The following RHOT1 variants were observed in gnomAD, a reference collection of about 807,000 sequenced individuals.
RHOT1 encodes ras homolog family member T1, also known as mitochondrial Rho GTPase 1.
Under a neutral mutation model 95.3 loss-of-function variants are expected in RHOT1, and 27 were observed. That is an observed-to-expected ratio of 0.28 (90% confidence interval 0.21 to 0.39). The LOEUF is 0.39. Among genes scored for constraint, RHOT1 ranks in the 10% least tolerant of loss-of-function variants. RHOT1 has a pLI of 1.00. For missense variants in RHOT1, 578 were observed against 786.7 expected, an observed-to-expected ratio of 0.73 and a Z score of 3.17; for synonymous variants, 227 against 263.5, an observed-to-expected ratio of 0.86 and a Z score of 1.34.
chr17:32,192,378 C>CTTTT, intron 9 of RHOT1, 79 bp downstream of exon 9: 1 of 767,978 alleles, frequency 1.3e-6, no homozygotes. Flanking sequence ...AATGTGTTAG[C>CTTTT]TTAAACAACA....
chr17:32,173,942 G>A lies in RHOT1; in HGVS notation c.178+30G>A. ...TGAATATCCTCTTGTAGATGAAGGT[G>A]TAGGTTAATTTAATAGACTTGAAAA... is the stretch of plus-strand genomic sequence containing the variant. On this transcript the variant is annotated intron_variant, in intron 3 of 19. Coordinates refer to ENST00000545287, the MANE Select transcript of RHOT1 (RefSeq NM_001033566.3). 6 of 1,438,140 alleles carry A rather than the reference G, an allele frequency of 4.2e-6. No homozygotes were observed. The Admixed American group carries it at 7.4e-5, about 18-fold the overall frequency. 89.1% of individuals were successfully genotyped at this position (1,438,140 alleles called of 1,614,324 possible). A position where few individuals can be genotyped will look rare whatever the true frequency, so the allele number is the denominator to read the frequency against.
Position 32,182,791 on chromosome 17 carries a change from CT to C in RHOT1, c.365del (p.Leu122ArgfsTer14). On this transcript the variant is annotated frameshift_variant, in exon 7 of 20. Transcript: ENST00000545287. LOFTEE classifies it high-confidence loss of function. The part of the protein sequence containing the change: ...PLILVGNKSD[L>X]VEYSSMETIL... Reference sequence around the variant, plus strand: ...AATATTGGTTGGGAACAAATCTGATCTGGTGGAATATAGTAGTATGGAGACC... The same window carrying C: ...AATATTGGTTGGGAACAAATCTGATCGGTGGAATATAGTAGTATGGAGACC... 6.2e-7 allele frequency: 1 copy of C among 1,606,928 alleles called. No individual in the cohort carries two copies. Among genetic ancestry groups the C allele is most frequent in the Non-Finnish European group, 8.5e-7 (1 of 1,175,736 alleles).
chr17:32,192,130 C>A (rs2036531715), intron 8 of RHOT1, 71 bp from the exon 9 acceptor site: 2 of 772,112 alleles, frequency 2.6e-6, no homozygotes, highest in Non-Finnish European at 4.3e-6. Flanking sequence ...TAAAAATAAT[C>A]AGAATTATTC....
chr17:32,168,679 C>T (rs922728590), intron 1 of RHOT1, among the ~76,000 whole-genome samples: 1 of 150,834 alleles, frequency 6.6e-6, no homozygotes, highest in African/African-American at 2.4e-5. Flanking sequence ...TATTCTGATG[C>T]ATGGCTTTAG....
At chr17:32,171,149 T>G in intron 2 of RHOT1, 48 bp downstream of exon 2, 1 of 1,282,502 alleles carries the variant, frequency 7.8e-7, no homozygotes, top group African/African-American at 1.5e-5. Flanking sequence ...TTTATCAAAA[T>G]CAAATTAAAA....
intron 19 of RHOT1, among the ~76,000 whole-genome samples, chr17:32,219,757 C>G (rs1046781414): frequency 1.3e-5 from 2 of 152,122 alleles, no homozygotes; most frequent in African/African-American, 4.8e-5. Flanking sequence ...AGCCAACATC[C>G]CAGACACAGG....
chr17:32,152,389 A>G (rs1001206600), intron 1 of RHOT1, among the ~76,000 whole-genome samples: 2 of 152,224 alleles, frequency 1.3e-5, no homozygotes, highest in Non-Finnish European at 2.9e-5. Flanking sequence ...TTCTGAAAAT[A>G]TCATTGCAGA....
intron 1 of RHOT1, among the ~76,000 whole-genome samples, chr17:32,161,850 T>C (rs1036729523): frequency 6.6e-6 from 1 of 151,986 alleles, no homozygotes; most frequent in Non-Finnish European, 1.5e-5. Flanking sequence ...CAGACTAGAG[T>C]GAGTCACAAA....
chr17:32,182,426 C>T (rs1343191117), intron 6 of RHOT1, among the ~76,000 whole-genome samples: 1 of 152,136 alleles, frequency 6.6e-6, no homozygotes, highest in Non-Finnish European at 1.5e-5. Context: ...TTTGAGGTTG[C>T]AGTGAGCTGT....
At chr17:32,148,828 A>C (rs1433942768) in intron 1 of RHOT1, among the ~76,000 whole-genome samples, 2 of 152,192 alleles carry the variant, frequency 1.3e-5, no homozygotes, top group Non-Finnish European at 2.9e-5. Flanking sequence ...GGAACCAGAG[A>C]ATGTTATTTC....
intron 12 of RHOT1, 67 bp downstream of exon 12, chr17:32,199,098 GTTCC>G: frequency 8.1e-7 from 1 of 1,239,756 alleles, no homozygotes; most frequent in Non-Finnish European, 1.2e-6. Flanking sequence ...ATATAACTCT[GTTCC>G]CTGAGCTATG....
chr17:32,152,860 G>A (rs1305758350), intron 1 of RHOT1, among the ~76,000 whole-genome samples: 4 of 151,700 alleles, frequency 2.6e-5, no homozygotes, highest in Non-Finnish European at 5.9e-5. Context: ...CTGGAATGTA[G>A]TGGCGTGATC....
intron 1 of RHOT1, among the ~76,000 whole-genome samples, chr17:32,145,304 AAT>A (rs142950840): frequency 2.6e-5 from 4 of 151,628 alleles, no homozygotes; most frequent in African/African-American, 7.3e-5. Context: ...TGTCTCAAAA[AAT>A]ATATATATAT....
intron 1 of RHOT1, among the ~76,000 whole-genome samples, chr17:32,157,820 C>T (rs190604718): frequency 2.7e-3 from 413 of 151,346 alleles, no homozygotes; most frequent in African/African-American, 9.2e-3. Flanking sequence ...CCCACCCCGC[C>T]GCCCAGAAAA....
At chr17:32,192,917 A>G (rs2036605437) in intron 9 of RHOT1, among the ~76,000 whole-genome samples, 1 of 152,130 alleles carries the variant, frequency 6.6e-6, no homozygotes, top group South Asian at 2.1e-4. Context: ...CGCCTGCCTC[A>G]GCCTCCCAAA....
intron 6 of RHOT1, among the ~76,000 whole-genome samples, chr17:32,180,862 T>C (rs1226612395): frequency 6.6e-6 from 1 of 152,162 alleles, no homozygotes; most frequent in African/African-American, 2.4e-5. Context: ...TTTAAAAAAC[T>C]TTTGTAGAAA....
chr17:32,208,528 C>T (rs1348497629), intron 18 of RHOT1: 1 of 535,354 alleles, frequency 1.9e-6, no homozygotes, highest in Non-Finnish European at 3.4e-6. Context: ...TATTTTTGAG[C>T]AGGCTGTAAC....
chr17:32,222,140 T>C (rs1298278713), intron 19 of RHOT1, among the ~76,000 whole-genome samples: 1 of 152,218 alleles, frequency 6.6e-6, no homozygotes, highest in African/African-American at 2.4e-5. Context: ...TGCATGATAA[T>C]CACAGGGAGG....
intron 18 of RHOT1, 22 bp downstream of exon 18, chr17:32,208,331 T>A: frequency 6.3e-7 from 1 of 1,596,588 alleles, no homozygotes; most frequent in Non-Finnish European, 8.6e-7. Flanking sequence ...CTGTCTTCAT[T>A]TTCATGTTGC....
Sources: gnomAD v4.1 joint callset for allele counts (sites outside exome capture counted in the v4.1 genomes callset) on GRCh38, gnomAD v4.1.1 for gene constraint, MANE v1.5 for transcripts, NCBI Gene and HGNC (gene_info 2026-07-23, HGNC 2026-07-21) for gene names.